ZFYVE26: variants seen among roughly 807,000 people sequenced by gnomAD.
ZFYVE26 encodes the protein zinc finger FYVE-type containing 26, also known as zinc finger FYVE domain-containing protein 26.
In ZFYVE26, 181 loss-of-function variants were observed where a neutral mutation model predicts 276.5. The observed-to-expected ratio is 0.65, with a 90% CI of 0.58 to 0.74. ZFYVE26 has a LOEUF of 0.74. Ranked by LOEUF, ZFYVE26 falls within the 30% of genes least tolerant of loss-of-function variation. The probability of loss-of-function intolerance (pLI) is 0.00; values close to 1 mark genes in which losing one functional copy is unlikely to be tolerated. For synonymous variants in ZFYVE26, 1,129 were observed against 1,203.1 expected (o/e 0.94, Z 1.27); for missense variants, 2,821 against 3,097.9 (o/e 0.91, Z 2.12).
downstream of ZFYVE26, among the ~76,000 whole-genome samples, chr14:67,746,325 G>T (rs577103410): frequency 1.3e-5 from 2 of 152,058 alleles, no homozygotes; most frequent in Non-Finnish European, 2.9e-5. Flanking sequence ...TCTGGTGGTA[G>T]AGGGTGCACT....
Position 67,809,714 on chromosome 14 carries a change from G to A in ZFYVE26, c.274-425C>T, listed in dbSNP as rs192447732. 4.0e-5 allele frequency among the ~76,000 whole-genome samples: 6 copies of A among 150,824 alleles called. No homozygotes were observed. The East Asian group carries it at 1.2e-3, about 29-fold the overall frequency. On this transcript the variant is annotated intron_variant, in intron 3 of 41. Transcript: ENST00000347230. ...TGGGATTACAGATGTGAGCTACCAC[G>A]CCTGGCCTAAGATAAAGTACTTTTA...
intron 37 of ZFYVE26, among the ~76,000 whole-genome samples, chr14:67,754,847 T>C (rs558976738): frequency 1.3e-5 from 2 of 152,292 alleles, no homozygotes; most frequent in South Asian, 4.2e-4. Flanking sequence ...TAGCCTGTGA[T>C]GCTAATCCTC....
rs760292740 is a variant in ZFYVE26 at position 67,746,847 on chromosome 14, A to T, written c.*1589T>A. 5.2e-5 allele frequency: 8 copies of T among 152,618 alleles called. No individual in the cohort carries two copies. Among genetic ancestry groups the T allele is most frequent in the Non-Finnish European group, 1.5e-5 (1 of 68,070 alleles). 9.5% of individuals were successfully genotyped at this position (152,618 alleles called of 1,614,324 possible). Reference sequence around the variant, plus strand: ...GCCAGAGAAGGACATTTCCTGGGAGATGGATACGTTCTATGACTCAAGGAA... The same window carrying T: ...GCCAGAGAAGGACATTTCCTGGGAGTTGGATACGTTCTATGACTCAAGGAA... On this transcript the variant is annotated 3_prime_UTR_variant, in exon 42 of 42. Transcript: ENST00000347230.
At chr14:67,801,522 G>A (rs898363164) in intron 10 of ZFYVE26, among the ~76,000 whole-genome samples, 1 of 152,134 alleles carries the variant, frequency 6.6e-6, no homozygotes, top group Non-Finnish European at 1.5e-5. Context: ...CTAGGAGAGA[G>A]GGAAAACTGA....
chr14:67,798,874 C>T, intron 10 of ZFYVE26: 1 of 877,594 alleles, frequency 1.1e-6, no homozygotes, highest in South Asian at 1.7e-5. Context: ...CCGGGCCTCC[C>T]CAGCCTTTTG....
chr14:67,802,994 G>A (rs972900834), intron 9 of ZFYVE26, among the ~76,000 whole-genome samples: 1 of 152,172 alleles, frequency 6.6e-6, no homozygotes, highest in African/African-American at 2.4e-5. Context: ...ATTCCACAAT[G>A]TATATATGCA....
At chr14:67,766,119 T>C in intron 32 of ZFYVE26, 108 bp downstream of exon 32, 1 of 1,078,614 alleles carries the variant, frequency 9.3e-7, no homozygotes, top group Non-Finnish European at 1.4e-6. Context: ...TCTTTCAGCA[T>C]GTCTTGTCAG....
At chr14:67,814,879 T>C (rs1218850508) in intron 2 of ZFYVE26, among the ~76,000 whole-genome samples, 1 of 152,216 alleles carries the variant, frequency 6.6e-6, no homozygotes, top group Non-Finnish European at 1.5e-5. Flanking sequence ...CCATCGTATA[T>C]GTGCTAATAC....
intron 41 of ZFYVE26, 87 bp downstream of exon 41, chr14:67,750,965 T>A: frequency 6.6e-7 from 1 of 1,509,078 alleles, no homozygotes. Context: ...TATGGAACTA[T>A]TGTGGGGAGC....
At chr14:67,773,384 C>T (rs948006041) in intron 27 of ZFYVE26, among the ~76,000 whole-genome samples, 3 of 151,802 alleles carry the variant, frequency 2.0e-5, no homozygotes, top group Non-Finnish European at 4.4e-5. Flanking sequence ...GATCCTGTCT[C>T]TACAAAAAAT....
intron 13 of ZFYVE26, among the ~76,000 whole-genome samples, chr14:67,737,045 T>C (rs1428072774): frequency 6.6e-6 from 1 of 151,976 alleles, no homozygotes; most frequent in African/African-American, 2.4e-5. Flanking sequence ...CTGTGTACAT[T>C]TCCAGCATCT....
At chr14:67,777,022 GT>G (rs1164339062) in intron 25 of ZFYVE26, among the ~76,000 whole-genome samples, 10 of 152,188 alleles carry the variant, frequency 6.6e-5, no homozygotes, top group African/African-American at 2.4e-4. Flanking sequence ...TACATCAAAG[GT>G]AAGAACTTAT....
intron 9 of ZFYVE26, among the ~76,000 whole-genome samples, chr14:67,803,595 G>A (rs1364721860): frequency 2.0e-5 from 3 of 151,994 alleles, no homozygotes; most frequent in South Asian, 2.1e-4. Context: ...CACCTGCCTC[G>A]GCCTCCCAAA....
chr14:67,751,070 T>C lies in ZFYVE26; in HGVS notation c.7398A>G (p.Ile2466Met). The C allele has an allele frequency of 6.2e-7, 1 of 1,614,212 alleles. No homozygotes were observed. The highest frequency in any genetic ancestry group is 2.2e-5 in the East Asian group (1 of 44,890). The change falls in exon 41 of 42, where the codon ATA (isoleucine) becomes ATG (methionine). Residue 2466 changes from isoleucine to methionine, a missense_variant. Physicochemically the swap from Ile to Met is conservative, Grantham distance 10. Coordinates refer to ENST00000347230, the MANE Select transcript of ZFYVE26 (RefSeq NM_015346.4). ...PQELEGLIQA[I>M]HNDDNKVRAY... ...CGCTCACCTTGTTGTCATCATTGTGTATTGCCTGGATCAGGCCCTCCAGCT... is the reference window on the plus strand; with the variant it reads ...CGCTCACCTTGTTGTCATCATTGTGCATTGCCTGGATCAGGCCCTCCAGCT...
intron 19 of ZFYVE26, 79 bp downstream of exon 19, chr14:67,784,980 A>G: frequency 1.4e-6 from 2 of 1,457,526 alleles, no homozygotes; most frequent in Non-Finnish European, 1.9e-6. Context: ...AGAGCCTTTC[A>G]ATTGTGCATC....
At chr14:67,799,641 TA>T in intron 10 of ZFYVE26, 1 of 1,370,606 alleles carries the variant, frequency 7.3e-7, no homozygotes, top group Non-Finnish European at 1.0e-6. Context: ...TCCTTAGGTG[TA>T]AATTGATGCC....
chr14:67,797,629 T>C (rs2039982410), intron 12 of ZFYVE26, 43 bp downstream of exon 12: 11 of 1,595,492 alleles, frequency 6.9e-6, no homozygotes, highest in Non-Finnish European at 9.5e-6. Context: ...CAAGCAGCAT[T>C]ACACCACTTG....
At chr14:67,738,181 T>G (rs1850393253) in intron 13 of ZFYVE26, among the ~76,000 whole-genome samples, 1 of 151,950 alleles carries the variant, frequency 6.6e-6, no homozygotes. Flanking sequence ...GCAATTCAGC[T>G]TCTTAATATC....
intron 13 of ZFYVE26, among the ~76,000 whole-genome samples, chr14:67,730,121 G>A (rs2038250479): frequency 6.6e-6 from 1 of 152,188 alleles, no homozygotes; most frequent in South Asian, 2.1e-4. Context: ...TGTGTAATGT[G>A]TATTAATTCA....
Sources: gnomAD v4.1 joint callset for allele counts (sites outside exome capture counted in the v4.1 genomes callset) on GRCh38, gnomAD v4.1.1 for gene constraint, MANE v1.5 for transcripts, NCBI Gene and HGNC (gene_info 2026-07-23, HGNC 2026-07-21) for gene names.